KCNMA1: variants seen among roughly 807,000 people sequenced by gnomAD.
KCNMA1 encodes potassium calcium-activated channel subfamily M alpha 1.
KCNMA1 carries 29 observed loss-of-function variants against 140.0 expected under a neutral mutation model. That is an observed-to-expected ratio of 0.21 (90% CI 0.15 to 0.28). The LOEUF (loss-of-function observed/expected upper bound fraction) is 0.28. Among genes scored for constraint, KCNMA1 ranks in the 10% least tolerant of loss-of-function variants. The pLI, the probability that KCNMA1 is intolerant of heterozygous loss-of-function variation, is 1.00. For synonymous variants in KCNMA1, 612 were observed against 611.9 expected (o/e 1.00, Z 0.00); for missense variants, 880 against 1,602.2 (o/e 0.55, Z 7.70).
chr10:76,888,509 G>A (rs988619872), intron 27 of KCNMA1, among the ~76,000 whole-genome samples: 3 of 152,154 alleles, frequency 2.0e-5, no homozygotes, highest in African/African-American at 4.8e-5. Flanking sequence ...AGAAACGCTT[G>A]TCTCTGCAGC....
intron 2 of KCNMA1, among the ~76,000 whole-genome samples, chr10:77,274,935 C>T (rs2066211888): frequency 6.6e-6 from 1 of 152,204 alleles, no homozygotes; most frequent in Non-Finnish European, 1.5e-5. Flanking sequence ...ATGGGGCAGC[C>T]TTGGCTGGCC....
intron 15 of KCNMA1, among the ~76,000 whole-genome samples, chr10:77,028,869 A>T (rs1258850227): frequency 6.6e-6 from 1 of 152,202 alleles, no homozygotes; most frequent in Non-Finnish European, 1.5e-5. Context: ...AGAAAATAAC[A>T]AAAGGTGCAG....
At chr10:77,370,107 T>G (rs1333286545) in intron 2 of KCNMA1, among the ~76,000 whole-genome samples, 1 of 152,214 alleles carries the variant, frequency 6.6e-6, no homozygotes, top group Non-Finnish European at 1.5e-5. Flanking sequence ...TTCTGTTATC[T>G]TTTAATGGAT....
intron 22 of KCNMA1, 104 bp from the exon 23 acceptor site, chr10:76,945,069 TTAA>T (rs1416181558): frequency 1.0e-6 from 1 of 962,684 alleles, no homozygotes; most frequent in Non-Finnish European, 1.7e-6. Context: ...GGAAAACAAA[TTAA>T]AGATTGAGTC....
At chr10:77,269,039 G>T (rs1045318126) in intron 2 of KCNMA1, among the ~76,000 whole-genome samples, 2 of 152,110 alleles carry the variant, frequency 1.3e-5, no homozygotes, top group African/African-American at 4.8e-5. Context: ...ACTGCACAAG[G>T]GCAGAGTCCC....
chr10:77,049,279 G>T (rs948646518), intron 14 of KCNMA1, among the ~76,000 whole-genome samples: 1 of 152,108 alleles, frequency 6.6e-6, no homozygotes. Context: ...TCCTCTCTGA[G>T]GCCTTTCCTC....
At position 77,441,850 on chromosome 10, in the gene KCNMA1, C is replaced by CTT. The variant is rs140082371; in HGVS notation, c.379-37829_379-37828dup. 3.7e-3 allele frequency among the ~76,000 whole-genome samples: 556 copies of CTT among 150,806 alleles called. 6 individuals carry two copies. Among genetic ancestry groups the CTT allele is most frequent in the African/African-American group, 0.013 (535 of 41,132 alleles). On this transcript the variant is annotated intron_variant, in intron 1 of 27. Coordinates refer to ENST00000286628, the MANE Select transcript of KCNMA1 (RefSeq NM_001161352.2). Reference sequence around the variant, plus strand: ...TAGCCTGAGATCTTTTTTTTTTCTTCTTTTTTTGGTCTTGCAAACAAAGAG... The same window carrying CTT: ...TAGCCTGAGATCTTTTTTTTTTCTTCTTTTTTTTTGGTCTTGCAAACAAAGAG...
intron 1 of KCNMA1, among the ~76,000 whole-genome samples, chr10:77,560,101 T>A (rs1413483720): frequency 6.6e-6 from 1 of 152,048 alleles, no homozygotes; most frequent in Non-Finnish European, 1.5e-5. Context: ...GAGAATTACT[T>A]GAACCCTGGA....
chr10:76,936,906 C>T (rs974490614), intron 23 of KCNMA1, among the ~76,000 whole-genome samples: 1 of 152,206 alleles, frequency 6.6e-6, no homozygotes, highest in Non-Finnish European at 1.5e-5. Context: ...AATGCTTCCA[C>T]TAAAAGACTC....
chr10:77,271,790 T>G (rs2065218777), intron 2 of KCNMA1, among the ~76,000 whole-genome samples: 1 of 152,172 alleles, frequency 6.6e-6, no homozygotes, highest in Non-Finnish European at 1.5e-5. Context: ...ATACATTGAT[T>G]CACCTGAGCC....
At chr10:77,062,598 A>G (rs777516047) in intron 14 of KCNMA1, among the ~76,000 whole-genome samples, 2 of 152,174 alleles carry the variant, frequency 1.3e-5, no homozygotes, top group Non-Finnish European at 2.9e-5. Context: ...TCCTCCCACT[A>G]CAAGGCATTA....
At chr10:77,503,012 G>A (rs1240842247) in intron 1 of KCNMA1, among the ~76,000 whole-genome samples, 1 of 152,194 alleles carries the variant, frequency 6.6e-6, no homozygotes, top group African/African-American at 2.4e-5. Context: ...AGCTGCTTGA[G>A]AGGCTGAAGC....
intron 1 of KCNMA1, among the ~76,000 whole-genome samples, chr10:77,464,473 T>A (rs766380349): frequency 4.9e-4 from 75 of 152,034 alleles, no homozygotes; most frequent in Non-Finnish European, 8.4e-4. Flanking sequence ...AAAAAAATTA[T>A]AAAGCAGCCT....
chr10:77,070,196 C>G lies in KCNMA1; in HGVS notation c.1749+2901G>C, dbSNP rs1238312918. Reference sequence around the variant, plus strand: ...TTGGTCTCATGCATGATAAAATGCCCAGTGGAAGTGGCTCACACCTATATA... The same window carrying G: ...TTGGTCTCATGCATGATAAAATGCCGAGTGGAAGTGGCTCACACCTATATA... On this transcript the variant is annotated intron_variant, in intron 14 of 27. Coordinates refer to ENST00000286628, the MANE Select transcript of KCNMA1 (RefSeq NM_001161352.2). 4.6e-5 allele frequency among the ~76,000 whole-genome samples: 7 copies of G among 152,184 alleles called. No individual in the cohort carries two copies. The East Asian group carries it at 1.4e-3, about 29-fold the overall frequency.
At chr10:77,407,238 A>G (rs1283178521) in intron 1 of KCNMA1, among the ~76,000 whole-genome samples, 2 of 152,158 alleles carry the variant, frequency 1.3e-5, no homozygotes, top group African/African-American at 2.4e-5. Flanking sequence ...AGCCGGCCAG[A>G]CTAGCCACCA....
chr10:77,383,832 A>G (rs907313771), intron 2 of KCNMA1, among the ~76,000 whole-genome samples: 1 of 152,150 alleles, frequency 6.6e-6, no homozygotes, highest in Non-Finnish European at 1.5e-5. Context: ...AGTTGGGACT[A>G]CAGGTGTGCA....
intron 14 of KCNMA1, among the ~76,000 whole-genome samples, chr10:77,043,089 C>T (rs79286964): frequency 0.017 from 2,616 of 152,252 alleles, 75 homozygotes; most frequent in African/African-American, 0.059. Flanking sequence ...GACTGAAAGT[C>T]GTATAACTGG....
At chr10:76,901,768 T>C (rs1020903173) in intron 25 of KCNMA1, 1 of 152,220 alleles carries the variant, frequency 6.6e-6, no homozygotes, top group Non-Finnish European at 1.5e-5. Flanking sequence ...TGGCACTGCA[T>C]CCCAGATGAT....
chr10:77,407,763 C>T (rs915816327), intron 1 of KCNMA1, among the ~76,000 whole-genome samples: 1 of 152,190 alleles, frequency 6.6e-6, no homozygotes, highest in East Asian at 1.9e-4. Flanking sequence ...AAGCTTGGCA[C>T]AGTCCCGGGC....
Sources: allele counts gnomAD v4.1 joint callset (sites outside exome capture counted in the v4.1 genomes callset), GRCh38; gene constraint gnomAD v4.1.1; transcripts MANE v1.5; gene names NCBI Gene and HGNC (gene_info 2026-07-23, HGNC 2026-07-21).